The following PDE1C variants were observed in gnomAD, a reference collection of about 807,000 sequenced individuals.
PDE1C encodes dual specificity calcium/calmodulin-dependent 3',5'-cyclic nucleotide phosphodiesterase 1C.
PDE1C carries 62 observed loss-of-function variants against 93.1 expected under a neutral mutation model. The observed-to-expected ratio is 0.67, with a 90% CI of 0.54 to 0.82. PDE1C has a LOEUF of 0.82. PDE1C is among the 40% of genes least tolerant of loss of function. PDE1C has a pLI of 0.00. For missense variants in PDE1C, 742 were observed against 884.6 expected, an observed-to-expected ratio of 0.84 and a Z score of 2.04; for synonymous variants, 325 against 310.1, an observed-to-expected ratio of 1.05 and a Z score of -0.50.
chr7:31,766,507 A>C (rs191474743), intron 17 of PDE1C, among the ~76,000 whole-genome samples: 71 of 152,352 alleles, frequency 4.7e-4, no homozygotes, highest in Admixed American at 2.5e-3. Flanking sequence ...ACATTTGCTT[A>C]AACATTTTTT....
chr7:31,815,791 A>C, intron 15 of PDE1C, 133 bp downstream of exon 15: 1 of 701,602 alleles, frequency 1.4e-6, no homozygotes, highest in South Asian at 1.7e-5. Context: ...ATGAGGTGGG[A>C]TCAGAAGGAA....
chr7:32,099,729 G>T (rs1797951617), intron 3 of PDE1C, among the ~76,000 whole-genome samples: 1 of 152,106 alleles, frequency 6.6e-6, no homozygotes, highest in African/African-American at 2.4e-5. Flanking sequence ...ATAATCATAT[G>T]CCTTTACTCA....
intron 1 of PDE1C, among the ~76,000 whole-genome samples, chr7:32,210,301 G>C (rs949604633): frequency 1.2e-4 from 19 of 152,146 alleles, no homozygotes; most frequent in African/African-American, 4.6e-4. Flanking sequence ...TTATACCTTG[G>C]TTGTTGTATG....
At chr7:31,835,524 CGG>C (rs990882053) in intron 11 of PDE1C, among the ~76,000 whole-genome samples, 3 of 57,488 alleles carry the variant, frequency 5.2e-5, no homozygotes, top group Non-Finnish European at 7.9e-5. Flanking sequence ...GGGGGTGCTG[CGG>C]TGTGTGTGTG....
At chr7:32,169,832 T>C in exon 3 of PDE1C, 1 of 1,612,736 alleles carries the variant, frequency 6.2e-7, no homozygotes. Flanking sequence ...GCTGTGGCAA[T>C]TCATCAGCTA....
intron 1 of PDE1C, among the ~76,000 whole-genome samples, chr7:32,215,520 C>T (rs149587225): frequency 1.3e-5 from 2 of 152,182 alleles, no homozygotes; most frequent in Non-Finnish European, 2.9e-5. Context: ...TGGCCAGAAA[C>T]AAATCTCAGA....
At chr7:32,126,953 G>A (rs1445641959) in intron 3 of PDE1C, among the ~76,000 whole-genome samples, 1 of 152,122 alleles carries the variant, frequency 6.6e-6, no homozygotes, top group African/African-American at 2.4e-5. Context: ...CTGAGTATAC[G>A]TGTGAGAGTG....
chr7:32,400,199 ACT>A (rs1408938788), intron 1 of PDE1C, among the ~76,000 whole-genome samples: 1 of 152,046 alleles, frequency 6.6e-6, no homozygotes, highest in African/African-American at 2.4e-5. Flanking sequence ...AACAGAAAAG[ACT>A]CTGTCTTAGA....
At chr7:32,397,025 C>A (rs1245476058) in intron 1 of PDE1C, among the ~76,000 whole-genome samples, 1 of 152,110 alleles carries the variant, frequency 6.6e-6, no homozygotes, top group East Asian at 1.9e-4. Flanking sequence ...AAACCAAATA[C>A]TACATGAAAA....
intron 2 of PDE1C, among the ~76,000 whole-genome samples, chr7:31,917,455 T>C (rs1437991812): frequency 1.3e-5 from 2 of 152,192 alleles, no homozygotes; most frequent in African/African-American, 2.4e-5. Flanking sequence ...CCAAGCATTA[T>C]GTTTCATTAC....
chr7:32,379,919 G>C (rs374937061), intron 1 of PDE1C, among the ~76,000 whole-genome samples: 25 of 152,250 alleles, frequency 1.6e-4, no homozygotes, highest in African/African-American at 6.0e-4. Flanking sequence ...GGACTCCTCT[G>C]CTGGGTGTGA....
chr7:31,810,710 C>A (rs1787439159), intron 15 of PDE1C, among the ~76,000 whole-genome samples: 1 of 152,084 alleles, frequency 6.6e-6, no homozygotes, highest in Non-Finnish European at 1.5e-5. Flanking sequence ...TCACATCTGC[C>A]ACAACCATGC....
chr7:31,934,614 T>C (rs1247133029), intron 2 of PDE1C, among the ~76,000 whole-genome samples: 4 of 152,150 alleles, frequency 2.6e-5, no homozygotes, highest in Admixed American at 1.3e-4. Flanking sequence ...GTCTGATTTA[T>C]ACGGCAAAAC....
At position 31,794,037 on chromosome 7, in the gene PDE1C, TAGATAGACAGACAGACAGACAGAC is replaced by T. The variant is rs1441194383; in HGVS notation, c.1891+14970_1891+14993del. Reference sequence around the variant, plus strand: ...ATAGATAGATAGATAGATAGATAGATAGATAGACAGACAGACAGACAGACAGACAGACAGACAGACAGACAGACA... The same window carrying T: ...ATAGATAGATAGATAGATAGATAGATAGACAGACAGACAGACAGACAGACA... On this transcript the variant is annotated intron_variant, in intron 16 of 17. Transcript: ENST00000396191. Among the ~76,000 whole-genome samples, 214 of 105,774 alleles carry T rather than the reference TAGATAGACAGACAGACAGACAGAC, an allele frequency of 2.0e-3. 1 individual carries two copies. Among genetic ancestry groups the T allele is most frequent in the African/African-American group, 7.4e-3 (206 of 27,732 alleles). 69.4% of individuals were successfully genotyped at this position (105,774 alleles called of 152,430 possible).
intron 1 of PDE1C, among the ~76,000 whole-genome samples, chr7:32,374,051 A>C (rs1174413349): frequency 7.8e-6 from 1 of 127,980 alleles, no homozygotes. Context: ...GAAATAAAGA[A>C]AGGGAGGTAG....
the PDE1C span, among the ~76,000 whole-genome samples, chr7:31,693,022 A>G: frequency 6.7e-6 from 1 of 148,546 alleles, no homozygotes; most frequent in Non-Finnish European, 1.5e-5. Context: ...TAATGAAAAT[A>G]CCAGAAACAT....
At chr7:32,261,354 A>T (rs1314185065) in intron 1 of PDE1C, among the ~76,000 whole-genome samples, 1 of 151,608 alleles carries the variant, frequency 6.6e-6, no homozygotes, top group African/African-American at 2.4e-5. Flanking sequence ...TCTCACTTCA[A>T]CCCCCTATGA....
intron 2 of PDE1C, among the ~76,000 whole-genome samples, chr7:31,937,309 G>A (rs1424855092): frequency 2.0e-5 from 3 of 152,166 alleles, no homozygotes; most frequent in Admixed American, 6.6e-5. Context: ...AATATATTGT[G>A]GGGTAAAATA....
chr7:31,947,886 C>T (rs1457036029), intron 2 of PDE1C, among the ~76,000 whole-genome samples: 1 of 152,106 alleles, frequency 6.6e-6, no homozygotes, highest in African/African-American at 2.4e-5. Context: ...GGCAGATTTA[C>T]CTAGAAAAGT....
Sources: gnomAD v4.1 joint callset for allele counts (sites outside exome capture counted in the v4.1 genomes callset) on GRCh38, gnomAD v4.1.1 for gene constraint, MANE v1.5 for transcripts, NCBI Gene and HGNC (gene_info 2026-07-23, HGNC 2026-07-21) for gene names.